FGF14: variants seen among roughly 807,000 people sequenced by gnomAD.
FGF14 encodes the protein fibroblast growth factor homologous factor 4.
A neutral mutation model predicts 25.5 loss-of-function variants in FGF14; 5 were observed. That is an observed-to-expected ratio of 0.20 (90% CI 0.10 to 0.41). FGF14 has a LOEUF of 0.41. FGF14 is among the 10% of genes least tolerant of loss of function. FGF14 has a pLI of 1.00. For missense variants in FGF14, 222 were observed against 320.1 expected (o/e 0.69, Z 2.34); for synonymous variants, 138 against 118.3 (o/e 1.17, Z -1.08).
intron 1 of FGF14, among the ~76,000 whole-genome samples, chr13:102,351,485 T>C (rs1461178822): frequency 3.9e-5 from 6 of 152,210 alleles, no homozygotes; most frequent in Admixed American, 1.3e-4. Context: ...GGTGTATTAG[T>C]TATGGGTAAC....
intron 1 of FGF14, among the ~76,000 whole-genome samples, chr13:102,332,143 C>A (rs1313607090): frequency 6.6e-6 from 1 of 151,876 alleles, no homozygotes; most frequent in Non-Finnish European, 1.5e-5. Context: ...TGTTAAGTGA[C>A]TGATTGTAAT....
chr13:102,180,457 C>T (rs1427986754), intron 1 of FGF14, among the ~76,000 whole-genome samples: 2 of 152,012 alleles, frequency 1.3e-5, no homozygotes, highest in Non-Finnish European at 2.9e-5. Flanking sequence ...GGATTACAGG[C>T]ACCTGCCACC....
chr13:102,320,712 T>A (rs114428936), intron 1 of FGF14, among the ~76,000 whole-genome samples: 132 of 152,312 alleles, frequency 8.7e-4, no homozygotes, highest in African/African-American at 3.1e-3. Context: ...GAGATATAGC[T>A]GAGCAGCATC....
chr13:101,882,167 G>A (rs188524717), intron 1 of FGF14, among the ~76,000 whole-genome samples: 19 of 151,840 alleles, frequency 1.3e-4, no homozygotes, highest in African/African-American at 3.6e-4. Context: ...TTCTCCTTTC[G>A]GAAACTAGAA....
intron 1 of FGF14, among the ~76,000 whole-genome samples, chr13:102,118,934 G>A (rs1019062268): frequency 2.0e-5 from 3 of 151,938 alleles, no homozygotes; most frequent in Non-Finnish European, 1.5e-5. Flanking sequence ...TACGTTGCTG[G>A]AGTAAGAGTA....
intron 3 of FGF14, among the ~76,000 whole-genome samples, chr13:101,860,003 G>A (rs2044327786): frequency 1.3e-5 from 2 of 151,884 alleles, no homozygotes; most frequent in African/African-American, 4.8e-5. Flanking sequence ...ATCCAGGTTG[G>A]TTGACATTGA....
intron 1 of FGF14, among the ~76,000 whole-genome samples, chr13:102,156,767 G>A (rs1354457735): frequency 1.3e-5 from 2 of 152,208 alleles, no homozygotes; most frequent in Middle Eastern, 3.4e-3. Context: ...AAACCCCATT[G>A]TCTCAGCCCA....
chr13:102,287,303 T>A (rs2054153650), intron 1 of FGF14, among the ~76,000 whole-genome samples: 1 of 152,176 alleles, frequency 6.6e-6, no homozygotes, highest in Non-Finnish European at 1.5e-5. Context: ...GGTGTAATAC[T>A]AAGACAATGA....
intron 1 of FGF14, among the ~76,000 whole-genome samples, chr13:102,176,491 G>A (rs1028476945): frequency 1.4e-4 from 21 of 152,032 alleles, no homozygotes; most frequent in Admixed American, 1.3e-3. Context: ...TTGAGTGGTA[G>A]GTTCGCTAGA....
chr13:101,849,300 AC>A (rs1017036928), intron 3 of FGF14, among the ~76,000 whole-genome samples: 3 of 152,082 alleles, frequency 2.0e-5, no homozygotes, highest in African/African-American at 7.2e-5. Flanking sequence ...GCGACCGGAA[AC>A]CAAATGCTTA....
In FGF14 at chr13:101,822,158, A is replaced by G. The variant is rs71441525; in HGVS notation, c.408+46567T>C. Among the ~76,000 whole-genome samples the G allele has an allele frequency of 4.2e-3, 637 of 152,188 alleles. 3 individuals carry two copies. The highest frequency in any genetic ancestry group is 7.4e-3 in the Non-Finnish European group (506 of 67,972). The stretch of plus-strand genomic sequence containing the variant: ...CCTTACTTTTTGCATTTAAGTTCCT[A>G]CTTCAAATCTGTATGTACATATAAT... On this transcript the variant is annotated intron_variant, in intron 3 of 4. Coordinates refer to ENST00000376143, the MANE Select transcript of FGF14 (RefSeq NM_004115.4).
intron 1 of FGF14, among the ~76,000 whole-genome samples, chr13:101,944,478 A>G (rs1287768221): frequency 6.6e-6 from 1 of 152,206 alleles, no homozygotes. Flanking sequence ...AACAGATGTC[A>G]GGTTAGATCT....
At chr13:101,974,650 C>T (rs960006275) in intron 1 of FGF14, among the ~76,000 whole-genome samples, 1 of 152,144 alleles carries the variant, frequency 6.6e-6, no homozygotes, top group African/African-American at 2.4e-5. Context: ...TGAAGTAATG[C>T]GCTGAGCTTG....
chr13:102,173,832 G>A (rs562343587), intron 1 of FGF14, among the ~76,000 whole-genome samples: 2 of 151,962 alleles, frequency 1.3e-5, no homozygotes, highest in Non-Finnish European at 2.9e-5. Flanking sequence ...GGGGTAGGGG[G>A]GTATGGGAAG....
chr13:101,828,894 A>G (rs1175995650), intron 3 of FGF14, among the ~76,000 whole-genome samples: 2 of 152,066 alleles, frequency 1.3e-5, no homozygotes, highest in African/African-American at 4.8e-5. Flanking sequence ...GTTCCCTCAC[A>G]CCTTTCCTGT....
intron 1 of FGF14, among the ~76,000 whole-genome samples, chr13:102,397,222 T>C (rs1595057901): frequency 1.3e-5 from 2 of 152,100 alleles, no homozygotes; most frequent in East Asian, 3.9e-4. Flanking sequence ...GTAAAGCAAG[T>C]AGCTTTTTAA....
chr13:102,160,647 T>C (rs538149346), intron 1 of FGF14, among the ~76,000 whole-genome samples: 1 of 151,988 alleles, frequency 6.6e-6, no homozygotes, highest in African/African-American at 2.4e-5. Context: ...GATAAAAACA[T>C]GTTCCACAGA....
chr13:102,227,116 AT>A (rs753545478), intron 1 of FGF14, among the ~76,000 whole-genome samples: 2 of 151,888 alleles, frequency 1.3e-5, no homozygotes, highest in African/African-American at 2.4e-5. Flanking sequence ...ATGGATTCTT[AT>A]TTTTCTCAAA....
At chr13:102,006,727 C>CTTTTTTTTTTTTTTTTTTTTTTTT (rs774872814) in intron 1 of FGF14, among the ~76,000 whole-genome samples, 2 of 61,966 alleles carry the variant, frequency 3.2e-5, no homozygotes, top group African/African-American at 1.4e-4. Context: ...AATCTTACTT[C>CTTTTTTTTTTTTTTTTTTTTTTTT]TTTTTTTTTT....
Sources: allele counts gnomAD v4.1 joint callset (sites outside exome capture counted in the v4.1 genomes callset), GRCh38; gene constraint gnomAD v4.1.1; transcripts MANE v1.5; gene names NCBI Gene and HGNC (gene_info 2026-07-23, HGNC 2026-07-21).